COMMD1: variants seen among roughly 807,000 people sequenced by gnomAD.
COMMD1 encodes the protein COMM domain-containing protein 1.
A neutral mutation model predicts 17.2 loss-of-function variants in COMMD1; 10 were observed. That is an observed-to-expected ratio of 0.58 (90% CI 0.36 to 0.99). The LOEUF (loss-of-function observed/expected upper bound fraction) is 0.99, where lower values mean the gene tolerates loss of function less well. COMMD1 is among the 50% of genes least tolerant of loss of function. The pLI, the probability that COMMD1 is intolerant of heterozygous loss-of-function variation, is 0.01. For synonymous variants in COMMD1, 97 were observed against 91.6 expected (o/e 1.06, Z -0.34); for missense variants, 270 against 231.8 (o/e 1.17, Z -1.07).
chr2:61,939,881 A>G (rs1380071321), intron 1 of COMMD1, among the ~76,000 whole-genome samples: 3 of 152,194 alleles, frequency 2.0e-5, no homozygotes, highest in Non-Finnish European at 4.4e-5. Context: ...TCCTCAGATA[A>G]CTAGAATCAG....
At chr2:62,013,586 C>G (rs1182517981) in intron 2 of COMMD1, among the ~76,000 whole-genome samples, 2 of 152,110 alleles carry the variant, frequency 1.3e-5, no homozygotes, top group Non-Finnish European at 2.9e-5. Context: ...CACAGTGGTC[C>G]AGGTGAGATA....
At chr2:62,062,854 GAGCCC>G (rs1372740908) in intron 2 of COMMD1, among the ~76,000 whole-genome samples, 1 of 151,936 alleles carries the variant, frequency 6.6e-6, no homozygotes, top group Non-Finnish European at 1.5e-5. Flanking sequence ...AGGACTGCTT[GAGCCC>G]AGGAGTTCGT....
chr2:62,105,415 AAT>A (rs1417485353), intron 2 of COMMD1, among the ~76,000 whole-genome samples: 1 of 152,204 alleles, frequency 6.6e-6, no homozygotes, highest in East Asian at 1.9e-4. Flanking sequence ...GATTTATTAA[AAT>A]ATGTTATTAA....
chr2:62,022,383 A>G (rs1669633199), intron 2 of COMMD1, among the ~76,000 whole-genome samples: 1 of 147,172 alleles, frequency 6.8e-6, no homozygotes, highest in Admixed American at 6.8e-5. Context: ...ATAAAGAAGG[A>G]TAGTTCTAGA....
chr2:62,008,169 A>T (rs1215816645), intron 2 of COMMD1, among the ~76,000 whole-genome samples: 2 of 152,172 alleles, frequency 1.3e-5, no homozygotes, highest in Non-Finnish European at 2.9e-5. Flanking sequence ...AGTGAAAGTG[A>T]GACCTTGTCT....
At chr2:61,911,282 C>T (rs979410903) in intron 1 of COMMD1, among the ~76,000 whole-genome samples, 3 of 151,982 alleles carry the variant, frequency 2.0e-5, no homozygotes, top group African/African-American at 4.8e-5. Context: ...TGAGACCAGC[C>T]TGGCCAACAT....
At chr2:61,940,355 A>G (rs1188338928) in intron 1 of COMMD1, among the ~76,000 whole-genome samples, 1 of 152,222 alleles carries the variant, frequency 6.6e-6, no homozygotes, top group Non-Finnish European at 1.5e-5. Flanking sequence ...ACATTTAGGT[A>G]AAAGGAGTCA....
chr2:61,939,722 T>C (rs1670692294), intron 1 of COMMD1, among the ~76,000 whole-genome samples: 1 of 151,680 alleles, frequency 6.6e-6, no homozygotes, highest in Non-Finnish European at 1.5e-5. Context: ...CCAAATGCTC[T>C]AAACTATAAA....
chr2:62,002,716 C>T (rs749253199), intron 2 of COMMD1, among the ~76,000 whole-genome samples: 6 of 151,248 alleles, frequency 4.0e-5, no homozygotes, highest in Non-Finnish European at 8.8e-5. Context: ...AATTGCCGGG[C>T]ATGGTGGCGG....
At chr2:61,927,670 T>A (rs914586415) in intron 1 of COMMD1, among the ~76,000 whole-genome samples, 2 of 152,126 alleles carry the variant, frequency 1.3e-5, no homozygotes, top group African/African-American at 4.8e-5. Context: ...AGTGCTGGGA[T>A]TACAGGCGTG....
intron 1 of COMMD1, among the ~76,000 whole-genome samples, chr2:61,983,861 G>T (rs1382953209): frequency 6.6e-6 from 1 of 151,826 alleles, no homozygotes; most frequent in Non-Finnish European, 1.5e-5. Context: ...TTATTTCTTT[G>T]CTTCTACTGA....
chr2:62,046,816 T>C (rs1188096696), intron 2 of COMMD1, among the ~76,000 whole-genome samples: 2 of 152,232 alleles, frequency 1.3e-5, no homozygotes, highest in East Asian at 1.9e-4. Context: ...AGCTACAGCA[T>C]TGGAGTAGGT....
chr2:62,075,678 T>G (rs1290815180), intron 2 of COMMD1, among the ~76,000 whole-genome samples: 1 of 152,244 alleles, frequency 6.6e-6, no homozygotes, highest in Non-Finnish European at 1.5e-5. Context: ...ATAGTTCCGC[T>G]ACCCTGGCCC....
At chr2:61,889,956 A>G (rs1572933715) in intron 1 of COMMD1, among the ~76,000 whole-genome samples, 1 of 152,326 alleles carries the variant, frequency 6.6e-6, no homozygotes, top group Non-Finnish European at 1.5e-5. Context: ...AGCCCAAAGA[A>G]GGAACTGAAG....
chr2:62,049,305 CT>C (rs1450723021), intron 2 of COMMD1, among the ~76,000 whole-genome samples: 1 of 152,042 alleles, frequency 6.6e-6, no homozygotes, highest in Admixed American at 6.5e-5. Flanking sequence ...TTAGATGTCT[CT>C]TTTTGGGAAA....
At chr2:62,101,617 C>CTG (rs1402932409) in intron 2 of COMMD1, among the ~76,000 whole-genome samples, 2 of 151,796 alleles carry the variant, frequency 1.3e-5, no homozygotes, top group Admixed American at 6.6e-5. Context: ...CTCTCTCTCT[C>CTG]TCTATATATA....
chr2:61,934,829 G>T (rs1291553184), intron 1 of COMMD1, among the ~76,000 whole-genome samples: 1 of 152,082 alleles, frequency 6.6e-6, no homozygotes, highest in East Asian at 1.9e-4. Flanking sequence ...TGTTGTCCAG[G>T]CTGGTCTCAT....
intron 2 of COMMD1, among the ~76,000 whole-genome samples, chr2:62,002,491 G>GACAAAAAAAAAAAA (rs1668975619): frequency 2.9e-5 from 1 of 35,072 alleles, no homozygotes; most frequent in Non-Finnish European, 5.1e-5. Context: ...GATTCCACCA[G>GACAAAAAAAAAAAA]AAAAAAAAAA....
chr2:62,102,400 A>G (rs1672209944), intron 2 of COMMD1, among the ~76,000 whole-genome samples: 1 of 152,178 alleles, frequency 6.6e-6, no homozygotes, highest in South Asian at 2.1e-4. Context: ...GTCAGACTTA[A>G]TACGCACTCA....
Sources: allele counts gnomAD v4.1 joint callset (sites outside exome capture counted in the v4.1 genomes callset), GRCh38; gene constraint gnomAD v4.1.1; transcripts MANE v1.5; gene names NCBI Gene and HGNC (gene_info 2026-07-23, HGNC 2026-07-21).